The following TCF25 variants were observed in gnomAD, a reference collection of about 807,000 sequenced individuals.
TCF25 encodes TCF25 ribosome quality control complex subunit, also known as ribosome quality control complex subunit TCF25.
In TCF25, 41 loss-of-function variants were observed where a neutral mutation model predicts 83.1. That is an observed-to-expected ratio of 0.49 (90% confidence interval 0.38 to 0.64). TCF25 has a LOEUF of 0.64. Ranked by LOEUF, TCF25 falls within the 30% of genes least tolerant of loss-of-function variation. The pLI is 0.00. For missense variants in TCF25, 979 were observed against 914.5 expected (o/e 1.07, Z -0.91); for synonymous variants, 458 against 365.0 (o/e 1.25, Z -2.90).
At chr16:89,887,812 G>A (rs1210149022) in intron 5 of TCF25, 95 bp downstream of exon 5, 1 of 1,233,142 alleles carries the variant, frequency 8.1e-7, no homozygotes, top group African/African-American at 1.6e-5. Context: ...TTACCCTTGA[G>A]GGAGAGTATT....
At chr16:89,876,952 AT>A (rs1421100976) in intron 1 of TCF25, among the ~76,000 whole-genome samples, 3 of 146,256 alleles carry the variant, frequency 2.1e-5, no homozygotes, top group Admixed American at 6.9e-5. Context: ...AAAAAAAAAA[AT>A]TGGCCAGGCA....
chr16:89,906,055 A>G (rs1483477919), intron 14 of TCF25, 139 bp from the exon 15 acceptor site: 8 of 742,318 alleles, frequency 1.1e-5, no homozygotes, highest in South Asian at 1.0e-4. Context: ...GCTCGAGAGT[A>G]AAGTGTACAG....
At chr16:89,909,694 A>T (rs993673592) in intron 16 of TCF25, 3 of 148,338 alleles carry the variant, frequency 2.0e-5, no homozygotes, top group African/African-American at 7.6e-5. Flanking sequence ...AAAAAAAAAA[A>T]ATCCTCCAGT....
intron 16 of TCF25, among the ~76,000 whole-genome samples, chr16:89,908,612 GCTCCCACCTCCCAGCTCCCAC>G (rs1567745811): frequency 6.5e-4 from 5 of 7,654 alleles, no homozygotes; most frequent in Admixed American, 1.8e-3. Context: ...CCTCCTCCCA[GCTCCCACCTCCCAGCTCCCAC>G]CTCCCACCTC....
intron 16 of TCF25, among the ~76,000 whole-genome samples, chr16:89,907,529 GTTCCTACCTCCCAT>G (rs1193378881): frequency 2.9e-4 from 2 of 6,806 alleles, no homozygotes; most frequent in African/African-American, 9.0e-4. Flanking sequence ...CCTCCTCCCA[GTTCCTACCTCCCAT>G]CTCCCAGCTC....
chr16:89,904,320 T>G (rs1223576950), intron 13 of TCF25, 115 bp downstream of exon 13: 1 of 1,197,084 alleles, frequency 8.4e-7, no homozygotes, highest in African/African-American at 1.5e-5. Context: ...CAGGAGGGGC[T>G]GTGGTGGCGG....
intron 15 of TCF25, among the ~76,000 whole-genome samples, chr16:89,906,730 G>T (rs566376639): frequency 6.6e-6 from 1 of 152,280 alleles, no homozygotes; most frequent in African/African-American, 2.4e-5. Flanking sequence ...GCAGGACCGT[G>T]GACCGTCCAC....
At chr16:89,909,338 C>T (rs774159861) in intron 16 of TCF25, 5 of 364,812 alleles carry the variant, frequency 1.4e-5, no homozygotes, top group African/African-American at 6.4e-5. Flanking sequence ...GCTGAAAACC[C>T]GTCTCTACTA....
At chr16:89,896,772 T>C (rs1022378764) in intron 9 of TCF25, among the ~76,000 whole-genome samples, 4 of 152,050 alleles carry the variant, frequency 2.6e-5, no homozygotes, top group Non-Finnish European at 4.4e-5. Context: ...GCCAGGATGG[T>C]CTCCATCTCC....
intron 6 of TCF25, 110 bp from the exon 7 acceptor site, chr16:89,893,618 G>A: frequency 6.5e-7 from 1 of 1,548,342 alleles, no homozygotes; most frequent in Non-Finnish European, 8.8e-7. Context: ...GGTCAAGTTT[G>A]TCGATATCGC....
intron 14 of TCF25, 88 bp downstream of exon 14, chr16:89,905,184 G>A: frequency 6.9e-7 from 1 of 1,450,646 alleles, no homozygotes; most frequent in Non-Finnish European, 9.1e-7. Flanking sequence ...CGGGAGGCGA[G>A]AAGGGCTGTG....
At chr16:89,883,117 C>G (rs1157111662) in intron 1 of TCF25, among the ~76,000 whole-genome samples, 1 of 152,090 alleles carries the variant, frequency 6.6e-6, no homozygotes, top group Non-Finnish European at 1.5e-5. Flanking sequence ...CAGAGATACC[C>G]CATAGCCTCG....
At chr16:89,888,781 A>G (rs959173748) in intron 5 of TCF25, among the ~76,000 whole-genome samples, 2 of 149,482 alleles carry the variant, frequency 1.3e-5, no homozygotes, top group African/African-American at 4.9e-5. Context: ...GGTTCAGGCA[A>G]TTCTGCCTCA....
chr16:89,909,946 C>T (rs1477455059), intron 16 of TCF25: 1 of 152,520 alleles, frequency 6.6e-6, no homozygotes, highest in Non-Finnish European at 1.5e-5. Context: ...CTTTCAGAAT[C>T]CGGGTCATTG....
intron 8 of TCF25, 24 bp from the exon 9 acceptor site, chr16:89,895,966 C>T: frequency 6.2e-7 from 1 of 1,608,508 alleles, no homozygotes; most frequent in Non-Finnish European, 8.5e-7. Context: ...ATGACACCCT[C>T]CCCTGGCGTC....
intron 1 of TCF25, among the ~76,000 whole-genome samples, chr16:89,879,225 C>T (rs2042419378): frequency 6.6e-6 from 1 of 151,248 alleles, no homozygotes; most frequent in Admixed American, 6.6e-5. Context: ...GCTTCGGGGC[C>T]TGTCACACGT....
At chr16:89,899,184 C>T (rs1228853684) in intron 11 of TCF25, among the ~76,000 whole-genome samples, 1 of 152,148 alleles carries the variant, frequency 6.6e-6, no homozygotes, top group Non-Finnish European at 1.5e-5. Context: ...AAACCGACAA[C>T]TCCCGAGCTC....
Position 89,900,658 on chromosome 16 carries a change from C to A in TCF25, c.1245C>A (p.Leu415=), listed in dbSNP as rs761424516. Residue 415 remains leucine, a synonymous_variant, in exon 12 of 18, where the codon CTC becomes CTA. Transcript: ENST00000263346. ...AGGCTCATCGGAACCTGTCCCAGCTCCCTAATTTTGCCTTCTCTGTTCCAC... is the reference window on the plus strand; with the variant it reads ...AGGCTCATCGGAACCTGTCCCAGCTACCTAATTTTGCCTTCTCTGTTCCAC... ...EWEAHRNLSQ[L]PNFAFSVPLA... 4 of 1,596,718 alleles carry A rather than the reference C, an allele frequency of 2.5e-6. No individual in the cohort carries two copies. Among genetic ancestry groups the A allele is most frequent in the Non-Finnish European group, 3.4e-6 (4 of 1,165,352 alleles).
chr16:89,878,253 C>T (rs1199469197), intron 1 of TCF25, among the ~76,000 whole-genome samples: 1 of 151,358 alleles, frequency 6.6e-6, no homozygotes, highest in Non-Finnish European at 1.5e-5. Flanking sequence ...GTACTCCAGC[C>T]TGGGTGACAA....
Sources: allele counts gnomAD v4.1 joint callset (sites outside exome capture counted in the v4.1 genomes callset), GRCh38; gene constraint gnomAD v4.1.1; transcripts MANE v1.5; gene names NCBI Gene and HGNC (gene_info 2026-07-23, HGNC 2026-07-21).